The following KCTD16 variants were observed in gnomAD, a reference collection of about 807,000 sequenced individuals.
The protein encoded by KCTD16 is BTB/POZ domain-containing protein KCTD16.
In KCTD16, 13 loss-of-function variants were observed where a neutral mutation model predicts 33.2. That is an observed-to-expected ratio of 0.39 (90% CI 0.25 to 0.62). KCTD16 has a LOEUF of 0.62. KCTD16 is among the 20% of genes least tolerant of loss of function. KCTD16 has a pLI of 0.50. For synonymous variants in KCTD16, 197 were observed against 195.3 expected (o/e 1.01, Z -0.07); for missense variants, 441 against 525.1 (o/e 0.84, Z 1.57).
chr5:144,356,853 C>T (rs1240861566), intron 3 of KCTD16, among the ~76,000 whole-genome samples: 1 of 152,056 alleles, frequency 6.6e-6, no homozygotes, highest in African/African-American at 2.4e-5. Context: ...CCATTCCCTT[C>T]CCTTCTTTTC....
intron 3 of KCTD16, among the ~76,000 whole-genome samples, chr5:144,329,915 C>T (rs971282811): frequency 2.6e-5 from 4 of 152,146 alleles, no homozygotes; most frequent in African/African-American, 7.2e-5. Flanking sequence ...TTGAAATTCT[C>T]ATAGGTGGTT....
intron 3 of KCTD16, among the ~76,000 whole-genome samples, chr5:144,352,281 A>T (rs895658368): frequency 1.3e-5 from 2 of 152,198 alleles, no homozygotes; most frequent in South Asian, 4.1e-4. Context: ...GACTGGTACC[A>T]AGGATAAGAG....
intron 3 of KCTD16, among the ~76,000 whole-genome samples, chr5:144,403,977 C>T (rs555264206): frequency 1.3e-5 from 2 of 152,266 alleles, no homozygotes; most frequent in East Asian, 1.9e-4. Flanking sequence ...TGGCAGAGAG[C>T]TAGGCCTGGG....
intron 3 of KCTD16, among the ~76,000 whole-genome samples, chr5:144,228,016 A>T (rs1753986198): frequency 6.6e-6 from 1 of 152,210 alleles, no homozygotes; most frequent in South Asian, 2.1e-4. Flanking sequence ...TTAGACATTC[A>T]TGTGAATAAT....
At chr5:144,273,099 T>C (rs1230110918) in intron 3 of KCTD16, among the ~76,000 whole-genome samples, 3 of 152,166 alleles carry the variant, frequency 2.0e-5, no homozygotes, top group African/African-American at 7.2e-5. Context: ...ATATTCCAGA[T>C]ATATAGTGAA....
At chr5:144,463,988 C>G (rs1002701368) in intron 3 of KCTD16, among the ~76,000 whole-genome samples, 4 of 152,156 alleles carry the variant, frequency 2.6e-5, no homozygotes, top group African/African-American at 9.7e-5. Flanking sequence ...GATACATGTT[C>G]GGCACAGCTG....
chr5:144,326,821 C>T (rs199554060), intron 3 of KCTD16, among the ~76,000 whole-genome samples: 3 of 152,088 alleles, frequency 2.0e-5, no homozygotes, highest in Admixed American at 2.0e-4. Flanking sequence ...TCTTAAAATT[C>T]TTATCCTCAG....
chr5:144,199,715 T>A, intron 2 of KCTD16, among the ~76,000 whole-genome samples: 1 of 138,514 alleles, frequency 7.2e-6, no homozygotes, highest in South Asian at 2.5e-4. Context: ...TCATTTTTTT[T>A]TTTTTTTTTT....
At chr5:144,465,369 T>C (rs1754305647) in intron 3 of KCTD16, among the ~76,000 whole-genome samples, 1 of 152,164 alleles carries the variant, frequency 6.6e-6, no homozygotes, top group Non-Finnish European at 1.5e-5. Context: ...TGATAGACTG[T>C]CCAGATGTGA....
intron 3 of KCTD16, among the ~76,000 whole-genome samples, chr5:144,288,817 G>C (rs1200728484): frequency 6.6e-6 from 1 of 152,018 alleles, no homozygotes; most frequent in Non-Finnish European, 1.5e-5. Context: ...TAAAAATACA[G>C]AAAGTTAGCT....
At chr5:144,459,035 A>G (rs148962299) in intron 3 of KCTD16, among the ~76,000 whole-genome samples, 1 of 152,370 alleles carries the variant, frequency 6.6e-6, no homozygotes, top group Non-Finnish European at 1.5e-5. Flanking sequence ...TAGCCCCAGC[A>G]GGTGCAGATC....
intron 3 of KCTD16, among the ~76,000 whole-genome samples, chr5:144,350,093 C>G (rs1160996643): frequency 6.6e-6 from 1 of 152,164 alleles, no homozygotes; most frequent in Non-Finnish European, 1.5e-5. Context: ...GCCACAGGCT[C>G]GCTACAGAAT....
At chr5:144,307,737 T>C (rs962274046) in intron 3 of KCTD16, among the ~76,000 whole-genome samples, 2 of 152,232 alleles carry the variant, frequency 1.3e-5, no homozygotes, top group African/African-American at 4.8e-5. Flanking sequence ...CCATTTAATT[T>C]TAAGAATTTA....
At chr5:144,281,543 T>C (rs972730567) in intron 3 of KCTD16, among the ~76,000 whole-genome samples, 4 of 152,222 alleles carry the variant, frequency 2.6e-5, no homozygotes, top group African/African-American at 9.6e-5. Context: ...TTTTTTATTA[T>C]GATCAGAGAA....
chr5:144,289,942 C>T (rs1234184244), intron 3 of KCTD16, among the ~76,000 whole-genome samples: 3 of 152,018 alleles, frequency 2.0e-5, no homozygotes, highest in African/African-American at 7.2e-5. Context: ...TGTTAATAAA[C>T]ATTTATTAAT....
chr5:144,460,016 T>C (rs1561616016), intron 3 of KCTD16, among the ~76,000 whole-genome samples: 1 of 151,678 alleles, frequency 6.6e-6, no homozygotes. Context: ...GTATTTTTAG[T>C]AGAGAAGGGG....
At chr5:144,466,988 C>CTATATATAT (rs1343696011) in intron 3 of KCTD16, among the ~76,000 whole-genome samples, 3 of 100,602 alleles carry the variant, frequency 3.0e-5, no homozygotes, top group South Asian at 2.9e-4. Context: ...ATATATAACA[C>CTATATATAT]TATATATATT....
intron 3 of KCTD16, among the ~76,000 whole-genome samples, chr5:144,332,484 TTGTC>T (rs1752384958): frequency 6.6e-6 from 1 of 151,958 alleles, no homozygotes; most frequent in African/African-American, 2.4e-5. Context: ...GCAGAGAGGG[TTGTC>T]TTCAGATAAC....
chr5:144,206,667 T>C lies in KCTD16; in HGVS notation c.-48T>C, dbSNP rs1753180867. The C allele has an allele frequency of 6.7e-7, 1 of 1,497,814 alleles. No homozygotes were observed. The highest frequency in any genetic ancestry group is 1.2e-5 in the South Asian group (1 of 81,018). The allele number at this position is 1,497,814 out of a possible 1,614,324, so 92.8% of individuals were successfully genotyped here. A position where few individuals can be genotyped will look rare whatever the true frequency, so the allele number is the denominator to read the frequency against. Reference sequence around the variant, plus strand: ...TCCAAAGGATAAGGCTGTGACTCCATTGGATTGCACCTTTAAATCAAAATA... The same window carrying C: ...TCCAAAGGATAAGGCTGTGACTCCACTGGATTGCACCTTTAAATCAAAATA... On this transcript the variant is annotated 5_prime_UTR_variant, in exon 3 of 4. Coordinates refer to ENST00000512467, the MANE Select transcript of KCTD16 (RefSeq NM_020768.4).
Sources: allele counts gnomAD v4.1 joint callset (sites outside exome capture counted in the v4.1 genomes callset), GRCh38; gene constraint gnomAD v4.1.1; transcripts MANE v1.5; gene names NCBI Gene and HGNC (gene_info 2026-07-23, HGNC 2026-07-21).